SCFD2: variants seen among roughly 807,000 people sequenced by gnomAD.
The protein encoded by SCFD2 is sec1 family domain containing 2.
SCFD2 carries 54 observed loss-of-function variants against 58.9 expected under a neutral mutation model. The ratio of observed to expected loss-of-function variants is 0.92; its 90% confidence interval spans 0.74 to 1.15. The LOEUF is 1.15. SCFD2 is among the 50% of genes most tolerant of loss of function. The pLI is 0.00. For synonymous variants in SCFD2, 321 were observed against 335.9 expected, an observed-to-expected ratio of 0.96 and a Z score of 0.49; for missense variants, 805 against 836.6, an observed-to-expected ratio of 0.96 and a Z score of 0.47.
chr4:53,028,162 A>C (rs1425968513), intron 5 of SCFD2, among the ~76,000 whole-genome samples: 2 of 151,630 alleles, frequency 1.3e-5, no homozygotes, highest in African/African-American at 4.8e-5. Context: ...CATGAGAATC[A>C]CTTGAACCTG....
At chr4:52,957,588 C>T (rs1474300141) in intron 5 of SCFD2, 1 of 152,252 alleles carries the variant, frequency 6.6e-6, no homozygotes, top group African/African-American at 2.4e-5. Flanking sequence ...AGTGCGTTTA[C>T]AAGGCTTTGT....
At chr4:53,278,137 T>C (rs1471730239) in intron 3 of SCFD2, among the ~76,000 whole-genome samples, 1 of 151,326 alleles carries the variant, frequency 6.6e-6, no homozygotes, top group African/African-American at 2.4e-5. Flanking sequence ...GAGGCCGAGG[T>C]GGGTGGATCA....
At chr4:53,045,601 T>C (rs1337646091) in intron 5 of SCFD2, among the ~76,000 whole-genome samples, 3 of 152,154 alleles carry the variant, frequency 2.0e-5, no homozygotes, top group Non-Finnish European at 4.4e-5. Flanking sequence ...AAAATTTCCT[T>C]ATAAAATTAG....
chr4:53,347,514 G>A (rs148888648), intron 2 of SCFD2, among the ~76,000 whole-genome samples: 1 of 152,164 alleles, frequency 6.6e-6, no homozygotes, highest in Non-Finnish European at 1.5e-5. Context: ...AGTGGTAAGT[G>A]CTATGGAGGA....
intron 5 of SCFD2, among the ~76,000 whole-genome samples, chr4:53,071,527 T>C (rs2148849516): frequency 6.6e-6 from 1 of 152,264 alleles, no homozygotes; most frequent in South Asian, 2.1e-4. Context: ...TTCTTAATCT[T>C]CACAATCATC....
intron 4 of SCFD2, among the ~76,000 whole-genome samples, chr4:53,180,019 C>T (rs956064229): frequency 9.9e-5 from 15 of 152,174 alleles, no homozygotes; most frequent in Non-Finnish European, 2.2e-4. Context: ...TAGTGACCTA[C>T]AAAGAGACTT....
At chr4:53,350,081 A>T (rs531376848) in intron 2 of SCFD2, among the ~76,000 whole-genome samples, 7 of 152,322 alleles carry the variant, frequency 4.6e-5, no homozygotes, top group Admixed American at 4.6e-4. Context: ...GCTCAGAATG[A>T]TGCCTGTTAC....
At chr4:53,060,624 A>G (rs1189228764) in intron 5 of SCFD2, among the ~76,000 whole-genome samples, 1 of 152,136 alleles carries the variant, frequency 6.6e-6, no homozygotes, top group Non-Finnish European at 1.5e-5. Context: ...ATGCAAAAGG[A>G]GATAAGAGAA....
At chr4:53,234,904 C>A (rs1265577122) in intron 4 of SCFD2, among the ~76,000 whole-genome samples, 2 of 152,230 alleles carry the variant, frequency 1.3e-5, no homozygotes, top group Admixed American at 1.3e-4. Flanking sequence ...GTATGTCTTA[C>A]TCACACAAAG....
intron 4 of SCFD2, among the ~76,000 whole-genome samples, chr4:53,168,523 T>G (rs540229853): frequency 6.6e-6 from 1 of 152,272 alleles, no homozygotes; most frequent in African/African-American, 2.4e-5. Context: ...GAATATAAAC[T>G]ATATATAAAA....
At chr4:53,141,644 T>TG (rs1312083653) in intron 5 of SCFD2, among the ~76,000 whole-genome samples, 1 of 29,626 alleles carries the variant, frequency 3.4e-5, no homozygotes, top group Non-Finnish European at 1.0e-4. Flanking sequence ...GAGTCAAATT[T>TG]GAAAAAAAAA....
At chr4:53,329,156 C>T (rs992968820) in intron 2 of SCFD2, among the ~76,000 whole-genome samples, 6 of 152,310 alleles carry the variant, frequency 3.9e-5, no homozygotes, top group Admixed American at 3.3e-4. Flanking sequence ...AAGGTGGCAG[C>T]GAGGCTGGGG....
intron 2 of SCFD2, among the ~76,000 whole-genome samples, chr4:53,340,545 C>T (rs749396498): frequency 7.9e-5 from 12 of 152,184 alleles, no homozygotes; most frequent in Non-Finnish European, 1.8e-4. Context: ...CAGGGCATAG[C>T]TGAACAAAAG....
chr4:53,118,849 AAAAAT>A (rs1725396011), intron 5 of SCFD2, among the ~76,000 whole-genome samples: 1 of 152,198 alleles, frequency 6.6e-6, no homozygotes, highest in African/African-American at 2.4e-5. Context: ...TACGTAAAAA[AAAAAT>A]AAAATAAAAG....
intron 5 of SCFD2, among the ~76,000 whole-genome samples, chr4:53,041,569 G>C (rs115143167): frequency 0.026 from 3,984 of 152,196 alleles, 81 homozygotes; most frequent in African/African-American, 0.054. Flanking sequence ...CTTTTGGGAA[G>C]GGTAAAAATT....
intron 5 of SCFD2, among the ~76,000 whole-genome samples, chr4:53,110,559 A>C (rs1725139684): frequency 1.3e-5 from 2 of 151,792 alleles, no homozygotes; most frequent in Admixed American, 1.3e-4. Context: ...ACAAACAAAC[A>C]ACCCCATCAA....
At chr4:53,139,237 C>CGCCT (rs1034378111) in intron 5 of SCFD2, among the ~76,000 whole-genome samples, 1 of 152,172 alleles carries the variant, frequency 6.6e-6, no homozygotes, top group African/African-American at 2.4e-5. Context: ...ACCTCCCAGC[C>CGCCT]GCCTGCCTTG....
At chr4:53,138,712 T>C (rs190045216) in intron 5 of SCFD2, among the ~76,000 whole-genome samples, 229 of 152,330 alleles carry the variant, frequency 1.5e-3, no homozygotes, top group Non-Finnish European at 2.6e-3. Context: ...TATGCTGCCA[T>C]TGAGTATGCT....
At chr4:52,955,606 A>G (rs1560493005) in intron 5 of SCFD2, among the ~76,000 whole-genome samples, 1 of 152,188 alleles carries the variant, frequency 6.6e-6, no homozygotes, top group South Asian at 2.1e-4. Context: ...TAGAAGTCCA[A>G]CCAAGCAGTT....
Sources: gnomAD v4.1 joint callset for allele counts (sites outside exome capture counted in the v4.1 genomes callset) on GRCh38, gnomAD v4.1.1 for gene constraint, MANE v1.5 for transcripts, NCBI Gene and HGNC (gene_info 2026-07-23, HGNC 2026-07-21) for gene names.